Variants in PIP5K1B observed in about 807,000 individuals in gnomAD.
The protein encoded by PIP5K1B is phosphatidylinositol-4-phosphate 5-kinase type 1 beta.
PIP5K1B carries 42 observed loss-of-function variants against 67.0 expected under a neutral mutation model. That is an observed-to-expected ratio of 0.63 (90% CI 0.49 to 0.81). The LOEUF (loss-of-function observed/expected upper bound fraction) is 0.81. Among genes scored for constraint, PIP5K1B ranks in the 30% least tolerant of loss-of-function variants. The probability of loss-of-function intolerance (pLI) is 0.00; values close to 1 mark genes in which losing one functional copy is unlikely to be tolerated. For missense variants in PIP5K1B, 459 were observed against 646.3 expected (o/e 0.71, Z 3.14); for synonymous variants, 214 against 231.4 (o/e 0.92, Z 0.68).
At chr9:68,846,175 T>C (rs1305811760) in intron 4 of PIP5K1B, among the ~76,000 whole-genome samples, 2 of 152,210 alleles carry the variant, frequency 1.3e-5, no homozygotes, top group African/African-American at 2.4e-5. Flanking sequence ...AAACCAGTCT[T>C]TTTCTACCCA....
chr9:68,890,512 T>C (rs959582510), intron 7 of PIP5K1B, among the ~76,000 whole-genome samples: 1 of 152,224 alleles, frequency 6.6e-6, no homozygotes, highest in Non-Finnish European at 1.5e-5. Flanking sequence ...TATCTTTTTA[T>C]GTAAAAATAT....
At position 69,005,300 on chromosome 9, in the gene PIP5K1B, T is replaced by G. The variant is rs534166619; in HGVS notation, c.1621-3147T>G. Among the ~76,000 whole-genome samples the G allele has an allele frequency of 6.6e-5, 10 of 152,320 alleles. 1 individual carries two copies. The South Asian group carries it at 8.3e-4, about 13-fold the overall frequency. The stretch of plus-strand genomic sequence containing the variant: ...TATGAGAGACATCAAGGTATTAAAT[T>G]CTTTTCAGATCGTTCCCGTTGCATA... On this transcript the variant is annotated intron_variant, in intron 15 of 15. Transcript: ENST00000265382.
At chr9:68,838,984 T>C (rs1433486738) in intron 4 of PIP5K1B, among the ~76,000 whole-genome samples, 1 of 152,122 alleles carries the variant, frequency 6.6e-6, no homozygotes, top group East Asian at 1.9e-4. Flanking sequence ...TTGGAGAATG[T>C]CTTAAAATTT....
At chr9:68,847,417 G>T (rs956952162) in intron 4 of PIP5K1B, among the ~76,000 whole-genome samples, 52 of 116,496 alleles carry the variant, frequency 4.5e-4, no homozygotes, top group Non-Finnish European at 6.6e-4. Context: ...GTGGTTTTGT[G>T]TGTGTGTGTG....
chr9:68,904,039 C>T (rs757438897), intron 8 of PIP5K1B, among the ~76,000 whole-genome samples: 3 of 151,796 alleles, frequency 2.0e-5, no homozygotes, highest in Non-Finnish European at 4.4e-5. Flanking sequence ...ATCTTCACAA[C>T]AGCCATGTGA....
intron 2 of PIP5K1B, chr9:68,779,930 A>C: frequency 2.1e-6 from 1 of 473,038 alleles, no homozygotes. Context: ...TATACGGACT[A>C]GCGGCCCGAC....
At chr9:68,966,078 G>T (rs1829014997) in intron 14 of PIP5K1B, among the ~76,000 whole-genome samples, 1 of 151,638 alleles carries the variant, frequency 6.6e-6, no homozygotes, top group Non-Finnish European at 1.5e-5. Flanking sequence ...GCTAAAATTG[G>T]AACAATTTGA....
intron 2 of PIP5K1B, among the ~76,000 whole-genome samples, chr9:68,799,602 A>G (rs183511453): frequency 6.6e-6 from 1 of 152,328 alleles, no homozygotes; most frequent in Non-Finnish European, 1.5e-5. Flanking sequence ...TATACAATCA[A>G]TTGATCTTCA....
intron 1 of PIP5K1B, chr9:68,708,096 G>A (rs1564079895): frequency 6.6e-6 from 1 of 151,866 alleles, no homozygotes; most frequent in Non-Finnish European, 1.5e-5. Context: ...TTCATCAAAG[G>A]AATGAAACTT....
At chr9:69,000,136 T>C (rs1587787283) in intron 15 of PIP5K1B, among the ~76,000 whole-genome samples, 1 of 152,098 alleles carries the variant, frequency 6.6e-6, no homozygotes, top group African/African-American at 2.4e-5. Context: ...GCTTGAGCCT[T>C]TTTGAAAGGC....
chr9:68,978,190 A>G (rs1156665841), intron 14 of PIP5K1B, among the ~76,000 whole-genome samples: 2 of 152,174 alleles, frequency 1.3e-5, no homozygotes, highest in African/African-American at 4.8e-5. Flanking sequence ...CAAGTACACA[A>G]TACGTGATTA....
At chr9:68,811,570 A>G (rs1319193225) in intron 2 of PIP5K1B, among the ~76,000 whole-genome samples, 2 of 152,154 alleles carry the variant, frequency 1.3e-5, no homozygotes, top group East Asian at 3.9e-4. Flanking sequence ...AACTTCTGCC[A>G]GTCAACCCCC....
At chr9:68,742,895 G>T (rs945046757) in intron 2 of PIP5K1B, among the ~76,000 whole-genome samples, 1 of 152,192 alleles carries the variant, frequency 6.6e-6, no homozygotes, top group Non-Finnish European at 1.5e-5. Flanking sequence ...ACTCAAAATG[G>T]TCTGTAGAGA....
Position 68,787,015 on chromosome 9 carries a change from C to T in PIP5K1B, c.-85-31446C>T, listed in dbSNP as rs938286952. On this transcript the variant is annotated intron_variant, in intron 2 of 15. Coordinates refer to ENST00000265382, the MANE Select transcript of PIP5K1B (RefSeq NM_003558.4). Reference sequence around the variant, plus strand: ...TCATGGAAAATGAGTCGGCCCTCTCCAATACCATGACACGCAACCTCTGGC... The same window carrying T: ...TCATGGAAAATGAGTCGGCCCTCTCTAATACCATGACACGCAACCTCTGGC... Among the ~76,000 whole-genome samples the T allele has an allele frequency of 5.9e-5, 9 of 152,310 alleles. No homozygotes were observed. In the South Asian group the frequency reaches 1.7e-3, roughly 28 times the overall value.
rs190221096 is a variant in PIP5K1B, at chr9:68,736,796, A to G, written c.-242-5705A>G. 1.8e-3 allele frequency among the ~76,000 whole-genome samples: 276 copies of G among 152,296 alleles called. 2 individuals carry two copies. The highest frequency in any genetic ancestry group is 6.3e-3 in the African/African-American group (263 of 41,558). ...TTGGGTGCATTTGGATAATCTCCCC[A>G]TTTTGAGGCACTTAATTTAATTACA... is the stretch of plus-strand genomic sequence containing the variant. On this transcript the variant is annotated intron_variant, in intron 1 of 15. Coordinates refer to ENST00000265382, the MANE Select transcript of PIP5K1B (RefSeq NM_003558.4).
chr9:68,745,310 C>T (rs563296506), intron 2 of PIP5K1B, among the ~76,000 whole-genome samples: 1 of 152,298 alleles, frequency 6.6e-6, no homozygotes, highest in East Asian at 1.9e-4. Flanking sequence ...TCATTCTCTC[C>T]TTTTAGCCAC....
chr9:68,896,655 G>A (rs573154746), intron 8 of PIP5K1B, among the ~76,000 whole-genome samples: 11 of 152,286 alleles, frequency 7.2e-5, no homozygotes, highest in East Asian at 5.8e-4. Flanking sequence ...CTTCTCTTGG[G>A]CTGGTATGGG....
intron 6 of PIP5K1B, 136 bp from the exon 7 acceptor site, chr9:68,888,845 G>T: frequency 1.7e-6 from 1 of 573,868 alleles, no homozygotes; most frequent in South Asian, 2.9e-5. Context: ...CTCGGTATAC[G>T]TGGAGCCTCT....
Position 68,766,824 on chromosome 9 carries a change from A to G in PIP5K1B, c.-86+24167A>G, listed in dbSNP as rs1348881661. ...GGAGAAGTAACCAAAAAATATTGTT[A>G]GGTACTACATGAAACACTATGGAGA... On this transcript the variant is annotated intron_variant, in intron 2 of 15. Coordinates refer to ENST00000265382, the MANE Select transcript of PIP5K1B (RefSeq NM_003558.4). Among the ~76,000 whole-genome samples the G allele has an allele frequency of 4.6e-5, 7 of 152,332 alleles. No individual in the cohort carries two copies. In the South Asian group the frequency reaches 1.4e-3, roughly 32 times the overall value.
Sources: allele counts gnomAD v4.1 joint callset (sites outside exome capture counted in the v4.1 genomes callset), GRCh38; gene constraint gnomAD v4.1.1; transcripts MANE v1.5; gene names NCBI Gene and HGNC (gene_info 2026-07-23, HGNC 2026-07-21).